POLQ: variants seen among roughly 807,000 people sequenced by gnomAD.
POLQ encodes DNA polymerase theta.
POLQ carries 233 observed loss-of-function variants against 259.2 expected under a neutral mutation model. The observed-to-expected ratio is 0.90, with a 90% CI of 0.81 to 1.00. The LOEUF is 1.00. Among genes scored for constraint, POLQ ranks in the 50% least tolerant of loss-of-function variants. POLQ has a pLI of 0.00. For synonymous variants in POLQ, 1,025 were observed against 1,048.8 expected, an observed-to-expected ratio of 0.98 and a Z score of 0.44; for missense variants, 2,871 against 3,051.6, an observed-to-expected ratio of 0.94 and a Z score of 1.39.
At chr3:121,484,945 G>A (rs2047999849) in intron 17 of POLQ, 96 bp downstream of exon 17, 1 of 963,702 alleles carries the variant, frequency 1.0e-6, no homozygotes, top group South Asian at 2.1e-5. Flanking sequence ...TAAATCCTAG[G>A]TAAATATCAG....
chr3:121,444,826 A>T (rs745580901), intron 26 of POLQ, among the ~76,000 whole-genome samples: 5 of 152,142 alleles, frequency 3.3e-5, no homozygotes, highest in Non-Finnish European at 5.9e-5. Flanking sequence ...GTTGAATTTT[A>T]TCAAATGCCT....
chr3:121,434,482 C>G (rs2047526977), intron 28 of POLQ, among the ~76,000 whole-genome samples: 1 of 152,186 alleles, frequency 6.6e-6, no homozygotes, highest in Admixed American at 6.5e-5. Context: ...CCAAAGCACA[C>G]AGCACAGTAT....
At chr3:121,494,313 T>A (rs892355072) in intron 14 of POLQ, 31 of 1,597,760 alleles carry the variant, frequency 1.9e-5, no homozygotes, top group Non-Finnish European at 2.6e-5. Flanking sequence ...CAGAGAGCCA[T>A]CCTCTATAAG....
intron 2 of POLQ, among the ~76,000 whole-genome samples, chr3:121,542,346 C>T (rs1006265131): frequency 1.3e-5 from 2 of 151,792 alleles, no homozygotes; most frequent in African/African-American, 2.4e-5. Context: ...GTTGCAGTCA[C>T]GCCATTGCAC....
intron 9 of POLQ, among the ~76,000 whole-genome samples, chr3:121,519,358 T>TTA (rs1560105364): frequency 6.6e-5 from 4 of 60,664 alleles, no homozygotes; most frequent in South Asian, 1.1e-3. Context: ...CAACAGTTGA[T>TTA]GATATATATA....
chr3:121,433,717 T>TTATG (rs1426629585), intron 28 of POLQ, among the ~76,000 whole-genome samples: 4 of 152,220 alleles, frequency 2.6e-5, no homozygotes, highest in Admixed American at 2.0e-4. Context: ...GTGGTACAGA[T>TTATG]TATGCCCTTC....
At chr3:121,494,099 C>T (rs776722618) in intron 14 of POLQ, 11 of 703,006 alleles carry the variant, frequency 1.6e-5, no homozygotes, top group Non-Finnish European at 2.3e-5. Flanking sequence ...TCTCTCTTCC[C>T]GCCACCCAAG....
intron 24 of POLQ, among the ~76,000 whole-genome samples, chr3:121,464,114 T>C (rs1046106515): frequency 2.0e-5 from 3 of 152,254 alleles, no homozygotes; most frequent in Non-Finnish European, 4.4e-5. Context: ...ATGTGGTTTA[T>C]GTTTTTTGAC....
intron 16 of POLQ, among the ~76,000 whole-genome samples, chr3:121,485,496 A>G (rs768855733): frequency 9.2e-5 from 14 of 152,238 alleles, no homozygotes; most frequent in Non-Finnish European, 1.8e-4. Flanking sequence ...CATACTACAA[A>G]TATTTTGCAG....
chr3:121,484,917 A>G (rs2047999506), intron 17 of POLQ, 124 bp downstream of exon 17: 1 of 807,628 alleles, frequency 1.2e-6, no homozygotes, highest in African/African-American at 1.8e-5. Context: ...CAAACAAAAA[A>G]AAATTTAACT....
Position 121,448,496 on chromosome 3 carries a change from G to C in POLQ, c.7264+819C>G, listed in dbSNP as rs140342042. Among the ~76,000 whole-genome samples the C allele has an allele frequency of 4.4e-3, 676 of 152,044 alleles. 7 individuals are homozygous for C. The highest frequency in any genetic ancestry group is 0.015 in the African/African-American group (631 of 41,470). On this transcript the variant is annotated intron_variant, in intron 26 of 29. Coordinates refer to ENST00000264233, the MANE Select transcript of POLQ (RefSeq NM_199420.4). ...ATTCTCCTGCCTCAGCCTCCGAGTA[G>C]CTGGGACTTGCAGGTGCATGCCACC...
Position 121,485,082 on chromosome 3 carries a change from T to C in POLQ, c.5732A>G (p.Asp1911Gly), listed in dbSNP as rs747654248. 1.2e-6 allele frequency: 2 copies of C among 1,612,850 alleles called. No individual in the cohort carries two copies. The highest frequency in any genetic ancestry group is 1.7e-6 in the Non-Finnish European group (2 of 1,179,506). ...VGLAVCWGGR[D>G]AYYFSLQKEQ... Reference sequence around the variant, plus strand: ...CTTCTGCAGTGAAAAATAATAGGCATCCCTTCCACCCCAGCATACTGCCAG... The same window carrying C: ...CTTCTGCAGTGAAAAATAATAGGCACCCCTTCCACCCCAGCATACTGCCAG... Residue 1911 changes from aspartate to glycine, a missense_variant, in exon 17 of 30, where the codon GAT becomes GGT. Asp to Gly is a moderately conservative substitution (Grantham distance 94, BLOSUM62 -1). This residue lies in a region of POLQ where 2,080 missense variants were observed against 2,126.0 expected (regional missense o/e 0.98). Coordinates refer to ENST00000264233, the MANE Select transcript of POLQ (RefSeq NM_199420.4).
At chr3:121,505,539 G>C (rs1298673048) in intron 12 of POLQ, among the ~76,000 whole-genome samples, 1 of 152,062 alleles carries the variant, frequency 6.6e-6, no homozygotes, top group East Asian at 1.9e-4. Flanking sequence ...ATGACAAATG[G>C]AATTAGAAAT....
At chr3:121,501,051 C>T (rs541714811) in intron 12 of POLQ, among the ~76,000 whole-genome samples, 144 of 152,306 alleles carry the variant, frequency 9.5e-4, no homozygotes, top group Admixed American at 1.8e-3. Flanking sequence ...GCAACCTCCA[C>T]CTCCTGGGCG....
intron 19 of POLQ, among the ~76,000 whole-genome samples, chr3:121,480,110 C>T (rs1459814512): frequency 6.6e-6 from 1 of 150,610 alleles, no homozygotes; most frequent in Non-Finnish European, 1.5e-5. Flanking sequence ...ACATAAATTC[C>T]TTAAAAATAT....
intron 14 of POLQ, among the ~76,000 whole-genome samples, chr3:121,496,067 T>C (rs2048119669): frequency 6.6e-6 from 1 of 152,050 alleles, no homozygotes; most frequent in African/African-American, 2.4e-5. Flanking sequence ...TAGGGTTTAA[T>C]ACATTAAGGC....
chr3:121,470,549 T>C (rs902151711), intron 22 of POLQ, among the ~76,000 whole-genome samples: 3 of 152,192 alleles, frequency 2.0e-5, no homozygotes, highest in Admixed American at 1.3e-4. Context: ...CCTACATCTA[T>C]GAACCTATTT....
At chr3:121,450,884 T>C (rs1247895356) in intron 25 of POLQ, among the ~76,000 whole-genome samples, 1 of 152,206 alleles carries the variant, frequency 6.6e-6, no homozygotes. Flanking sequence ...TGCAGAGTGT[T>C]TTCCAACTTG....
At chr3:121,449,818 C>T (rs2047658999) in intron 25 of POLQ, among the ~76,000 whole-genome samples, 1 of 152,098 alleles carries the variant, frequency 6.6e-6, no homozygotes, top group African/African-American at 2.4e-5. Context: ...CTCTTCTTGT[C>T]CTTGAAAAAG....
Sources: allele counts gnomAD v4.1 joint callset (sites outside exome capture counted in the v4.1 genomes callset), GRCh38; gene constraint gnomAD v4.1.1; regional missense constraint gnomAD v4.1.1; transcripts MANE v1.5; gene names NCBI Gene and HGNC (gene_info 2026-07-23, HGNC 2026-07-21).